Variants in PRKD1 observed in about 807,000 individuals in gnomAD.
PRKD1 encodes the protein protein kinase D1.
PRKD1 carries 63 observed loss-of-function variants against 95.9 expected under a neutral mutation model. The observed-to-expected ratio is 0.66, with a 90% CI of 0.54 to 0.81. PRKD1 has a LOEUF of 0.81. Among genes scored for constraint, PRKD1 ranks in the 30% least tolerant of loss-of-function variants. The probability of loss-of-function intolerance (pLI) is 0.00; values close to 1 mark genes in which losing one functional copy is unlikely to be tolerated. For synonymous variants in PRKD1, 425 were observed against 423.1 expected (o/e 1.00, Z -0.05); for missense variants, 1,048 against 1,165.3 (o/e 0.90, Z 1.47).
chr14:29,851,062 T>C (rs1253088233), intron 1 of PRKD1, among the ~76,000 whole-genome samples: 4 of 151,812 alleles, frequency 2.6e-5, no homozygotes, highest in African/African-American at 9.7e-5. Flanking sequence ...AAGAATCAAA[T>C]TGGACCCTGA....
chr14:29,695,159 G>A (rs1236000171), intron 2 of PRKD1, among the ~76,000 whole-genome samples: 3 of 151,450 alleles, frequency 2.0e-5, no homozygotes, highest in East Asian at 1.9e-4. Flanking sequence ...ACTTGAACCC[G>A]GGAGGCGGAG....
intron 1 of PRKD1, among the ~76,000 whole-genome samples, chr14:29,808,386 T>C (rs1438547131): frequency 2.0e-5 from 2 of 102,034 alleles, no homozygotes; most frequent in African/African-American, 8.1e-5. Flanking sequence ...TTTTTTTTTT[T>C]TTTTTTTTTT....
chr14:29,666,827 A>C (rs1882543360), intron 2 of PRKD1, among the ~76,000 whole-genome samples: 1 of 152,144 alleles, frequency 6.6e-6, no homozygotes, highest in African/African-American at 2.4e-5. Context: ...GAGGGATTTA[A>C]TACATACGCT....
chr14:29,738,166 T>G (rs1036990454), intron 1 of PRKD1, among the ~76,000 whole-genome samples: 3 of 152,180 alleles, frequency 2.0e-5, no homozygotes, highest in African/African-American at 7.2e-5. Flanking sequence ...GGTACAGGCT[T>G]TTATTTAGTG....
At chr14:29,712,506 A>G (rs1885382694) in intron 2 of PRKD1, among the ~76,000 whole-genome samples, 1 of 152,128 alleles carries the variant, frequency 6.6e-6, no homozygotes, top group Non-Finnish European at 1.5e-5. Context: ...TTCAAATCCC[A>G]ATTCTTGTAT....
chr14:29,604,239 T>A (rs1317283955), intron 13 of PRKD1, among the ~76,000 whole-genome samples: 1 of 152,206 alleles, frequency 6.6e-6, no homozygotes, highest in Non-Finnish European at 1.5e-5. Flanking sequence ...ACATTGTTGC[T>A]TTATTGTAAA....
chr14:29,840,672 CA>C, intron 1 of PRKD1, among the ~76,000 whole-genome samples: 1 of 152,304 alleles, frequency 6.6e-6, no homozygotes, highest in Non-Finnish European at 1.5e-5. Flanking sequence ...GGGGAAGTCT[CA>C]CAATCATGGC....
chr14:29,699,062 T>C (rs1220509835), intron 2 of PRKD1, among the ~76,000 whole-genome samples: 1 of 152,222 alleles, frequency 6.6e-6, no homozygotes, highest in Non-Finnish European at 1.5e-5. Flanking sequence ...TAGTATTTAA[T>C]GGCAATGACA....
chr14:29,753,044 T>G (rs1439335643), intron 1 of PRKD1, among the ~76,000 whole-genome samples: 2 of 150,764 alleles, frequency 1.3e-5, no homozygotes, highest in Non-Finnish European at 3.0e-5. Context: ...AACAAGACAA[T>G]AGAATTTTCA....
chr14:29,855,418 A>G (rs1323823972), intron 1 of PRKD1, among the ~76,000 whole-genome samples: 2 of 152,186 alleles, frequency 1.3e-5, no homozygotes. Flanking sequence ...TGGGGTCTTT[A>G]GCCCCTTTGT....
At chr14:29,581,653 T>C (rs1282370347) in intron 16 of PRKD1, among the ~76,000 whole-genome samples, 1 of 152,186 alleles carries the variant, frequency 6.6e-6, no homozygotes, top group Non-Finnish European at 1.5e-5. Context: ...ATTAACATTT[T>C]ATTTTTACAG....
rs34636619 is a variant in PRKD1 at position 29,618,781 on chromosome 14, G to GAAAA, written c.1905+5367_1905+5370dup. Among the ~76,000 whole-genome samples the GAAAA allele has an allele frequency of 2.1e-5, 3 of 145,492 alleles. No individual in the cohort carries two copies. In the South Asian group the frequency reaches 6.5e-4, roughly 31 times the overall value. On this transcript the variant is annotated intron_variant, in intron 13 of 17. Transcript: ENST00000331968. Reference sequence around the variant, plus strand: ...TAAGTTATATAGAGAAAATGAAATGGAAAAAAAAAAAAGGAGAGCTGTACC... The same window carrying GAAAA: ...TAAGTTATATAGAGAAAATGAAATGGAAAAAAAAAAAAAAAAGGAGAGCTGTACC...
At chr14:29,852,441 A>T (rs10144153) in intron 1 of PRKD1, among the ~76,000 whole-genome samples, 18,968 of 152,068 alleles carry the variant, frequency 0.12, 1,371 homozygotes, top group East Asian at 0.25. Flanking sequence ...AGGAAAGGAA[A>T]GAGAAAAGAC....
At chr14:29,864,576 T>C (rs892721944) in intron 1 of PRKD1, among the ~76,000 whole-genome samples, 2 of 152,092 alleles carry the variant, frequency 1.3e-5, no homozygotes, top group African/African-American at 4.8e-5. Flanking sequence ...GTGTTGTCAT[T>C]TTTGCATCAC....
At chr14:29,706,773 AC>A (rs1885112727) in intron 2 of PRKD1, among the ~76,000 whole-genome samples, 2 of 152,252 alleles carry the variant, frequency 1.3e-5, no homozygotes, top group East Asian at 3.9e-4. Flanking sequence ...CTACTTTAAA[AC>A]CAGCAAAAGT....
chr14:29,694,018 A>C (rs1051134953), intron 2 of PRKD1, among the ~76,000 whole-genome samples: 10 of 152,156 alleles, frequency 6.6e-5, no homozygotes, highest in African/African-American at 2.2e-4. Context: ...GAAAATATGC[A>C]TCAACCTTCA....
At chr14:29,832,202 C>G (rs2139297034) in intron 1 of PRKD1, among the ~76,000 whole-genome samples, 1 of 152,162 alleles carries the variant, frequency 6.6e-6, no homozygotes, top group East Asian at 1.9e-4. Context: ...TAGTTCCCAC[C>G]CCACCACCAC....
chr14:29,584,362 TAAGAA>T (rs915145827), intron 16 of PRKD1, among the ~76,000 whole-genome samples: 3 of 152,174 alleles, frequency 2.0e-5, no homozygotes, highest in African/African-American at 7.2e-5. Flanking sequence ...CAGAAAACTC[TAAGAA>T]AAGACTGTAA....
At chr14:29,740,022 A>G (rs1044961275) in intron 1 of PRKD1, among the ~76,000 whole-genome samples, 1 of 152,230 alleles carries the variant, frequency 6.6e-6, no homozygotes, top group Admixed American at 6.5e-5. Context: ...TACAGGAGGT[A>G]ATAATCAATG....
Sources: gnomAD v4.1 joint callset for allele counts (sites outside exome capture counted in the v4.1 genomes callset) on GRCh38, gnomAD v4.1.1 for gene constraint, MANE v1.5 for transcripts, NCBI Gene and HGNC (gene_info 2026-07-23, HGNC 2026-07-21) for gene names.